Variants in ATP6V1G1 observed in about 807,000 individuals in gnomAD.
The protein encoded by ATP6V1G1 is ATPase H+ transporting V1 subunit G1.
A neutral mutation model predicts 14.2 loss-of-function variants in ATP6V1G1; 14 were observed. The observed-to-expected ratio is 0.99, with a 90% CI of 0.65 to 1.55. ATP6V1G1 has a LOEUF of 1.55. ATP6V1G1 is among the 40% of genes most tolerant of loss of function. The probability of loss-of-function intolerance (pLI) is 0.00; values close to 1 mark genes in which losing one functional copy is unlikely to be tolerated. For missense variants in ATP6V1G1, 137 were observed against 146.4 expected, an observed-to-expected ratio of 0.94 and a Z score of 0.33; for synonymous variants, 65 against 53.3, an observed-to-expected ratio of 1.22 and a Z score of -0.96.
rs757864164 is a variant in ATP6V1G1 at position 114,597,702 on chromosome 9, A to G, written c.316A>G (p.Ile106Val). The change falls in exon 3 of 3, where the codon ATT (isoleucine) becomes GTT (valine). Residue 106 changes from isoleucine to valine, a missense_variant. Ile to Val is a conservative substitution (Grantham distance 29). Transcript: ENST00000374050. ...CAACCTCTTGGCTTTTGTCTGTGAC[A>G]TTCGGCCAGAAATCCATGAAAACTA... The part of the protein sequence containing the change: ...LDNLLAFVCD[I>V]RPEIHENYRI... 1 of 1,587,534 alleles carries G rather than the reference A, an allele frequency of 6.3e-7. No homozygotes were observed. The highest frequency in any genetic ancestry group is 1.9e-5 in the Admixed American group (1 of 53,376).
chr9:114,591,442 A>G (rs1316780811), intron 1 of ATP6V1G1, among the ~76,000 whole-genome samples: 1 of 152,206 alleles, frequency 6.6e-6, no homozygotes, highest in Admixed American at 6.5e-5. Flanking sequence ...ACAGCCCATT[A>G]TAGCTGATGG....
At position 114,598,552 on chromosome 9, in the gene ATP6V1G1, AC is replaced by A. The variant is rs1845267467; in HGVS notation, c.*810del. ...TACATAATTAGAAAATGTTCCTGAT[AC>A]ATGTGTCATGTGATTTCTTCCAACA... On this transcript the variant is annotated 3_prime_UTR_variant, in exon 3 of 3. Coordinates refer to ENST00000374050, the MANE Select transcript of ATP6V1G1 (RefSeq NM_004888.4). Among the ~76,000 whole-genome samples, 1 of 152,236 alleles carries A rather than the reference AC, an allele frequency of 6.6e-6. No individual in the cohort carries two copies. Among genetic ancestry groups the A allele is most frequent in the Non-Finnish European group, 1.5e-5 (1 of 68,044 alleles).
chr9:114,597,085 G>A (rs936311277), intron 2 of ATP6V1G1, among the ~76,000 whole-genome samples: 1 of 149,902 alleles, frequency 6.7e-6, no homozygotes, highest in African/African-American at 2.4e-5. Flanking sequence ...CCGCCTCCCG[G>A]GTTCACGCCA....
At chr9:114,594,700 A>T (rs1225296479) in intron 2 of ATP6V1G1, among the ~76,000 whole-genome samples, 1 of 151,496 alleles carries the variant, frequency 6.6e-6, no homozygotes, top group Non-Finnish European at 1.5e-5. Flanking sequence ...ATATTTTTAC[A>T]TTCTTTTTTC....
intron 1 of ATP6V1G1, among the ~76,000 whole-genome samples, chr9:114,588,655 G>C (rs1203830150): frequency 6.6e-6 from 1 of 152,014 alleles, no homozygotes; most frequent in Non-Finnish European, 1.5e-5. Context: ...AATTGCAGGA[G>C]AGATGAGGGC....
At position 114,597,753 on chromosome 9, in the gene ATP6V1G1, G is replaced by C. The variant is rs772317365; in HGVS notation, c.*10G>C. 3.2e-6 allele frequency: 5 copies of C among 1,555,292 alleles called. No homozygotes were observed. In the East Asian group the frequency reaches 7.2e-5, roughly 22 times the overall value. ...CCGCATAAATGGATAGAAGAGAGAA[G>C]CACCTGTGCTGTGGAGTGGCATTTT... On this transcript the variant is annotated 3_prime_UTR_variant, in exon 3 of 3. Coordinates refer to ENST00000374050, the MANE Select transcript of ATP6V1G1 (RefSeq NM_004888.4).
intron 2 of ATP6V1G1, among the ~76,000 whole-genome samples, chr9:114,594,356 A>G (rs967828113): frequency 6.7e-6 from 1 of 149,162 alleles, no homozygotes; most frequent in Admixed American, 6.7e-5. Flanking sequence ...GGTGTGAGCC[A>G]CCGCGCCCAG....
At chr9:114,588,547 C>T (rs1247717212) in intron 1 of ATP6V1G1, among the ~76,000 whole-genome samples, 1 of 146,228 alleles carries the variant, frequency 6.8e-6, no homozygotes, top group Admixed American at 7.0e-5. Context: ...GTGTTTCTGT[C>T]TAATATGTGG....
intron 1 of ATP6V1G1, among the ~76,000 whole-genome samples, chr9:114,591,808 T>C (rs569899123): frequency 2.6e-4 from 39 of 147,416 alleles, no homozygotes; most frequent in African/African-American, 4.4e-4. Context: ...GAACCTCTCT[T>C]TTTTTTTTTT....
At position 114,598,383 on chromosome 9, in the gene ATP6V1G1, ATTC is replaced by A. The variant is rs1170590363; in HGVS notation, c.*643_*645del. The A allele has an allele frequency of 6.6e-6, 1 of 150,942 alleles. No homozygotes were observed. Among genetic ancestry groups the A allele is most frequent in the Non-Finnish European group, 1.5e-5 (1 of 67,688 alleles). The allele number at this position is 150,942 out of a possible 1,614,324, so 9.4% of individuals were successfully genotyped here. On this transcript the variant is annotated 3_prime_UTR_variant, in exon 3 of 3. Transcript: ENST00000374050. Reference sequence around the variant, plus strand: ...AAGACTCTGTCATGCATTTTTCCCCATTCTTTTTTTTTTCCCTGTCTCCGTGAC... The same window carrying A: ...AAGACTCTGTCATGCATTTTTCCCCATTTTTTTTTTCCCTGTCTCCGTGAC...
intron 1 of ATP6V1G1, among the ~76,000 whole-genome samples, 194 bp from the exon 2 acceptor site, chr9:114,592,358 T>G (rs1247964414): frequency 6.6e-6 from 1 of 152,236 alleles, no homozygotes. Flanking sequence ...TCTTGTCACT[T>G]CCTAGTTAAG....
At chr9:114,588,650 C>T (rs10982318) in intron 1 of ATP6V1G1, among the ~76,000 whole-genome samples, 14,850 of 151,860 alleles carry the variant, frequency 0.098, 829 homozygotes, top group South Asian at 0.14. Flanking sequence ...TAATTAATTG[C>T]AGGAGAGATG....
intron 1 of ATP6V1G1, among the ~76,000 whole-genome samples, chr9:114,589,353 A>G (rs1399756572): frequency 6.6e-6 from 1 of 152,252 alleles, no homozygotes; most frequent in African/African-American, 2.4e-5. Context: ...GATAGTAAAA[A>G]TGAGGCTCAG....
intron 1 of ATP6V1G1, among the ~76,000 whole-genome samples, chr9:114,591,850 A>G (rs1054857232): frequency 6.6e-6 from 1 of 151,534 alleles, no homozygotes; most frequent in East Asian, 1.9e-4. Flanking sequence ...AGCAGAGATT[A>G]TATGTTGGCT....
chr9:114,597,656 G>C lies in ATP6V1G1; in HGVS notation c.270G>C (p.Gln90His), dbSNP rs775810655. 2.5e-6 allele frequency: 4 copies of C among 1,591,662 alleles called. No individual in the cohort carries two copies. The African/African-American group carries it at 4.1e-5, about 16-fold the overall frequency. The change falls in exon 3 of 3, where the codon CAG becomes CAC. Residue 90 changes from glutamine (Q) to histidine (H), a missense_variant. Transcript: ENST00000374050. ...CCATCCTCCAGACATACTTCCGGCA[G>C]AACAGGGATGAAGTCTTGGACAACC... ...KMTILQTYFR[Q>H]NRDEVLDNLL...
intron 2 of ATP6V1G1, among the ~76,000 whole-genome samples, chr9:114,595,698 C>G (rs1188937953): frequency 6.6e-6 from 1 of 152,012 alleles, no homozygotes; most frequent in African/African-American, 2.4e-5. Context: ...TGGTGCACAC[C>G]TGTGGTCCCA....
At chr9:114,593,716 C>G (rs1375385330) in intron 2 of ATP6V1G1, among the ~76,000 whole-genome samples, 1 of 151,774 alleles carries the variant, frequency 6.6e-6, no homozygotes, top group Non-Finnish European at 1.5e-5. Flanking sequence ...CTTGGCTGGT[C>G]TCGAACTCCT....
chr9:114,591,418 T>G (rs940375749), intron 1 of ATP6V1G1, among the ~76,000 whole-genome samples: 2 of 152,230 alleles, frequency 1.3e-5, no homozygotes, highest in African/African-American at 4.8e-5. Context: ...CGAAAGTATC[T>G]TTAGCTTTGA....
At position 114,587,800 on chromosome 9, in the gene ATP6V1G1, C is replaced by G. The variant is rs571906143; in HGVS notation, c.-39C>G. ...GCTGACCCAAGGGGCCTTCGAGGTG[C>G]CTTAGGCCGCTTGCCTTGCTCTCAG... On this transcript the variant is annotated 5_prime_UTR_variant, in exon 1 of 3. Transcript: ENST00000374050. 4 of 1,557,986 alleles carry G rather than the reference C, an allele frequency of 2.6e-6. No individual in the cohort carries two copies. Among genetic ancestry groups the G allele is most frequent in the Non-Finnish European group, 3.5e-6 (4 of 1,149,948 alleles).
Sources: gnomAD v4.1 joint callset for allele counts (sites outside exome capture counted in the v4.1 genomes callset) on GRCh38, gnomAD v4.1.1 for gene constraint, MANE v1.5 for transcripts, NCBI Gene and HGNC (gene_info 2026-07-23, HGNC 2026-07-21) for gene names.